The following ARB2A variants were observed in gnomAD, a reference collection of about 807,000 sequenced individuals.
The protein encoded by ARB2A is cotranscriptional regulator ARB2A.
chr5:93,828,688 A>G, the ARB2A span, among the ~76,000 whole-genome samples: 1 of 152,330 alleles, frequency 6.6e-6, no homozygotes, highest in East Asian at 1.9e-4. Flanking sequence ...TCAAGAATGC[A>G]AATATGATCA....
chr5:93,727,791 G>A, the ARB2A span, among the ~76,000 whole-genome samples: 1 of 151,962 alleles, frequency 6.6e-6, no homozygotes, highest in Non-Finnish European at 1.5e-5. Flanking sequence ...TGGCCTATCT[G>A]CAAAAAAATT....
chr5:94,071,138 A>T, the ARB2A span, among the ~76,000 whole-genome samples: 1 of 152,116 alleles, frequency 6.6e-6, no homozygotes, highest in Non-Finnish European at 1.5e-5. Flanking sequence ...TGGAAACAAC[A>T]CAAATGTCTA....
chr5:93,959,735 T>A, the ARB2A span, among the ~76,000 whole-genome samples: 1 of 152,180 alleles, frequency 6.6e-6, no homozygotes, highest in Non-Finnish European at 1.5e-5. Flanking sequence ...GAATAAAAAG[T>A]AAATATTTTT....
chr5:93,746,784 C>A, the ARB2A span, among the ~76,000 whole-genome samples: 3 of 152,044 alleles, frequency 2.0e-5, no homozygotes, highest in African/African-American at 7.2e-5. Flanking sequence ...GCACCAGAAG[C>A]CTTAAGGAAT....
the ARB2A span, among the ~76,000 whole-genome samples, chr5:93,833,520 C>T: frequency 6.6e-6 from 1 of 152,100 alleles, no homozygotes; most frequent in Non-Finnish European, 1.5e-5. Context: ...GTTTATAATA[C>T]ATGCAGCTTA....
chr5:93,775,551 T>C, the ARB2A span, among the ~76,000 whole-genome samples: 1 of 152,214 alleles, frequency 6.6e-6, no homozygotes, highest in Admixed American at 6.5e-5. Flanking sequence ...CAACTGCTCC[T>C]AACCTGCTCA....
chr5:93,853,263 G>C, the ARB2A span, among the ~76,000 whole-genome samples: 1 of 152,084 alleles, frequency 6.6e-6, no homozygotes, highest in African/African-American at 2.4e-5. Flanking sequence ...CTGTTTGTCT[G>C]TTATTGGTGT....
the ARB2A span, among the ~76,000 whole-genome samples, chr5:93,816,007 T>C: frequency 6.6e-6 from 1 of 152,190 alleles, no homozygotes; most frequent in Admixed American, 6.5e-5. Flanking sequence ...CCACTCTTGT[T>C]CTCTCAAGCC....
At chr5:94,083,884 G>A in the ARB2A span, among the ~76,000 whole-genome samples, 1 of 150,554 alleles carries the variant, frequency 6.6e-6, no homozygotes, top group Admixed American at 6.6e-5. Context: ...CAACAAGATG[G>A]CTTGCTCTAA....
At chr5:93,913,051 C>G in the ARB2A span, among the ~76,000 whole-genome samples, 6 of 151,800 alleles carry the variant, frequency 4.0e-5, no homozygotes, top group Non-Finnish European at 8.8e-5. Flanking sequence ...TCAATAACAT[C>G]TTTACGTTTA....
the ARB2A span, among the ~76,000 whole-genome samples, chr5:94,089,594 TACACACACACACACACAC>T: frequency 1.5e-4 from 20 of 135,664 alleles, no homozygotes; most frequent in South Asian, 1.3e-3. Context: ...AAACCGTTTA[TACACACACACACACACAC>T]ACACACACAC....
At chr5:93,979,778 C>A in the ARB2A span, among the ~76,000 whole-genome samples, 2 of 151,892 alleles carry the variant, frequency 1.3e-5, no homozygotes, top group Non-Finnish European at 2.9e-5. Context: ...TCTTTCTCTT[C>A]CTATATTTTA....
the ARB2A span, among the ~76,000 whole-genome samples, chr5:93,796,616 A>G: frequency 6.8e-6 from 1 of 147,646 alleles, no homozygotes; most frequent in Non-Finnish European, 1.5e-5. Flanking sequence ...AACTTATGCT[A>G]AATACCTGAA....
chr5:94,053,294 TAATTTA>T, the ARB2A span: 1 of 848,000 alleles, frequency 1.2e-6, no homozygotes, highest in Middle Eastern at 3.5e-4. Flanking sequence ...GATTTTAATT[TAATTTA>T]ATTTAAAGTA....
At chr5:93,666,440 G>A in the ARB2A span, among the ~76,000 whole-genome samples, 1 of 151,056 alleles carries the variant, frequency 6.6e-6, no homozygotes, top group East Asian at 1.9e-4. Context: ...CTCCAACCCA[G>A]ACCCCCTTGG....
At chr5:93,925,905 G>C in the ARB2A span, among the ~76,000 whole-genome samples, 1 of 152,072 alleles carries the variant, frequency 6.6e-6, no homozygotes, top group Non-Finnish European at 1.5e-5. Flanking sequence ...CATTTCCCAG[G>C]TATCTTTACT....
the ARB2A span, among the ~76,000 whole-genome samples, chr5:93,664,500 G>A: frequency 2.6e-5 from 4 of 151,554 alleles, no homozygotes; most frequent in Admixed American, 1.3e-4. Flanking sequence ...GCATGATGGC[G>A]GGCACCTGTA....
chr5:93,983,516 T>C, the ARB2A span, among the ~76,000 whole-genome samples: 5 of 151,906 alleles, frequency 3.3e-5, no homozygotes, highest in African/African-American at 1.2e-4. Flanking sequence ...ATGATATAAA[T>C]AAAGTAAAAG....
chr5:93,863,988 G>A, the ARB2A span, among the ~76,000 whole-genome samples: 1 of 151,890 alleles, frequency 6.6e-6, no homozygotes, highest in South Asian at 2.1e-4. Flanking sequence ...AAAATGTATC[G>A]ATCACCCTGT....
Sources: allele counts gnomAD v4.1 joint callset (sites outside exome capture counted in the v4.1 genomes callset), GRCh38; gene constraint gnomAD v4.1.1; transcripts MANE v1.5; gene names NCBI Gene and HGNC (gene_info 2026-07-23, HGNC 2026-07-21).